ZEB2: variants seen among roughly 807,000 people sequenced by gnomAD.
ZEB2 encodes the protein zinc finger E-box-binding homeobox 2.
ZEB2 carries 6 observed loss-of-function variants against 99.9 expected under a neutral mutation model. That is an observed-to-expected ratio of 0.06 (90% CI 0.03 to 0.12). The LOEUF is 0.12. Ranked by LOEUF, ZEB2 falls within the 10% of genes least tolerant of loss-of-function variation. The pLI is 1.00. For synonymous variants in ZEB2, 517 were observed against 542.5 expected, an observed-to-expected ratio of 0.95 and a Z score of 0.65; for missense variants, 969 against 1,502.8, an observed-to-expected ratio of 0.64 and a Z score of 5.87.
At chr2:144,497,365 A>T (rs1704776722) in intron 2 of ZEB2, among the ~76,000 whole-genome samples, 1 of 152,136 alleles carries the variant, frequency 6.6e-6, no homozygotes, top group Admixed American at 6.5e-5. Flanking sequence ...TTTTTGATCC[A>T]CAGACCTCAG....
Position 144,386,162 on chromosome 2 carries a change from G to C in ZEB2, c.*3289C>G, listed in dbSNP as rs1235254877. 3 of 152,228 alleles carry C rather than the reference G, an allele frequency of 2.0e-5. No homozygotes were observed. The highest frequency in any genetic ancestry group is 7.2e-5 in the African/African-American group (3 of 41,498). The allele number at this position is 152,228 out of a possible 1,614,324, so 9.4% of individuals were successfully genotyped here. ...TCCTCCCCTGCCCCCTATTCGAGGGGGGAAAGGTTAGATTTAGAACTAAGC... is the reference window on the plus strand; with the variant it reads ...TCCTCCCCTGCCCCCTATTCGAGGGCGGAAAGGTTAGATTTAGAACTAAGC... On this transcript the variant is annotated 3_prime_UTR_variant, in exon 10 of 10. Coordinates refer to ENST00000627532, the MANE Select transcript of ZEB2 (RefSeq NM_014795.4).
chr2:144,440,513 ATATTTTTTTT>A (rs1409972343), intron 2 of ZEB2, among the ~76,000 whole-genome samples: 38 of 24,066 alleles, frequency 1.6e-3, no homozygotes, highest in South Asian at 1.9e-3. Flanking sequence ...ATATATATAT[ATATTTTTTTT>A]TTTTTTTTTT....
intron 2 of ZEB2, 149 bp downstream of exon 2, chr2:144,517,129 T>C (rs1705165170): frequency 2.5e-6 from 2 of 792,284 alleles, no homozygotes; most frequent in Admixed American, 4.6e-5. Flanking sequence ...CGCGCCGGGC[T>C]CCGGCGCCGG....
intron 4 of ZEB2, among the ~76,000 whole-genome samples, chr2:144,419,106 T>C (rs77077048): frequency 6.6e-6 from 1 of 152,264 alleles, no homozygotes; most frequent in East Asian, 1.9e-4. Flanking sequence ...TGAAGGCTTA[T>C]CAATTACACA....
At chr2:144,488,254 C>T (rs1025551004) in intron 2 of ZEB2, among the ~76,000 whole-genome samples, 1 of 152,160 alleles carries the variant, frequency 6.6e-6, no homozygotes, top group Non-Finnish European at 1.5e-5. Flanking sequence ...CTCAATAAGA[C>T]CCTAGGCACC....
In ZEB2 at chr2:144,385,513, G is replaced by T. The variant is rs1231420828; in HGVS notation, c.*3938C>A. 6.6e-6 allele frequency: 1 copy of T among 151,920 alleles called. No individual in the cohort carries two copies. The highest frequency in any genetic ancestry group is 2.4e-5 in the African/African-American group (1 of 41,356). 9.4% of individuals were successfully genotyped at this position (151,920 alleles called of 1,614,324 possible). A position where few individuals can be genotyped will look rare whatever the true frequency, so the allele number is the denominator to read the frequency against. ...ATTGAGCATGTTTATTTGAATAATT[G>T]CCCCATTGCACAATAAATAAATCCG... On this transcript the variant is annotated 3_prime_UTR_variant, in exon 10 of 10. Coordinates refer to ENST00000627532, the MANE Select transcript of ZEB2 (RefSeq NM_014795.4).
chr2:144,437,355 T>C (rs1703852182), intron 2 of ZEB2, among the ~76,000 whole-genome samples: 2 of 152,186 alleles, frequency 1.3e-5, no homozygotes, highest in South Asian at 4.1e-4. Context: ...GTACATCTAC[T>C]GCCAATAATT....
intron 4 of ZEB2, among the ~76,000 whole-genome samples, chr2:144,408,597 AG>A: frequency 6.6e-6 from 1 of 152,220 alleles, no homozygotes; most frequent in Non-Finnish European, 1.5e-5. Flanking sequence ...CCCAGAAACT[AG>A]GTATCACCAG....
chr2:144,424,426 C>A (rs376888902), intron 4 of ZEB2: 1 of 526,346 alleles, frequency 1.9e-6, no homozygotes, highest in South Asian at 1.4e-5. Context: ...GAATTCTCAA[C>A]GACTGATATC....
In ZEB2 at chr2:144,403,981, A is replaced by G; in HGVS notation, c.742T>C (p.Tyr248His). ...AGCTGGGTGCGGTAGGCAAACGTGT[A>G]GCTACAGAGAGGGCAGGAAAAGTTC... ...EENFSCPLCS[Y>H]TFAYRTQLER... Residue 248 changes from tyrosine to histidine, a missense_variant, in exon 6 of 10, where the codon TAC (tyrosine) becomes CAC (histidine). Tyr to His is a moderately conservative substitution (Grantham distance 83, BLOSUM62 2). Transcript: ENST00000627532. The G allele has an allele frequency of 6.2e-7, 1 of 1,614,140 alleles. No homozygotes were observed. Among genetic ancestry groups the G allele is most frequent in the East Asian group, 2.2e-5 (1 of 44,878 alleles).
At chr2:144,447,265 A>G (rs1364029449) in intron 2 of ZEB2, among the ~76,000 whole-genome samples, 2 of 152,154 alleles carry the variant, frequency 1.3e-5, no homozygotes, top group Non-Finnish European at 2.9e-5. Context: ...CCTCTGCTTT[A>G]TGCAGTGGTA....
Position 144,400,273 on chromosome 2 carries a change from A to G in ZEB2, c.917-3T>C, listed in dbSNP as rs772266839. The G allele has an allele frequency of 4.4e-6, 7 of 1,607,262 alleles. No individual in the cohort carries two copies. The highest frequency in any genetic ancestry group is 5.1e-6 in the Non-Finnish European group (6 of 1,179,834). Reference sequence around the variant, plus strand: ...TGGGCACTCGTAAGGTTTTTCACCTAAAATGATAATTAAAATTACCGTTAC... The same window carrying G: ...TGGGCACTCGTAAGGTTTTTCACCTGAAATGATAATTAAAATTACCGTTAC... On this transcript the variant is annotated splice_polypyrimidine_tract_variant and splice_region_variant and intron_variant, in intron 7 of 9. Coordinates refer to ENST00000627532, the MANE Select transcript of ZEB2 (RefSeq NM_014795.4).
chr2:144,503,648 A>T (rs1342877424), intron 2 of ZEB2: 2 of 152,142 alleles, frequency 1.3e-5, no homozygotes, highest in Non-Finnish European at 2.9e-5. Context: ...AGGAGAAAAA[A>T]TGTTCTCAGG....
intron 2 of ZEB2, among the ~76,000 whole-genome samples, chr2:144,501,351 GA>G (rs1394104165): frequency 6.6e-6 from 1 of 151,992 alleles, no homozygotes; most frequent in Non-Finnish European, 1.5e-5. Context: ...TGCCAGCCTG[GA>G]AAAAAGGGGA....
chr2:144,509,215 G>T (rs1209231916), intron 2 of ZEB2, among the ~76,000 whole-genome samples: 1 of 152,148 alleles, frequency 6.6e-6, no homozygotes, highest in Non-Finnish European at 1.5e-5. Flanking sequence ...TTGCTGGGTA[G>T]GTTAATATCA....
intron 2 of ZEB2, among the ~76,000 whole-genome samples, chr2:144,467,045 A>T (rs1458829402): frequency 6.6e-6 from 1 of 152,154 alleles, no homozygotes; most frequent in Non-Finnish European, 1.5e-5. Context: ...GACTGACATA[A>T]GGAATGGTTT....
chr2:144,417,148 G>A (rs1487516313), intron 4 of ZEB2, among the ~76,000 whole-genome samples: 1 of 152,084 alleles, frequency 6.6e-6, no homozygotes, highest in African/African-American at 2.4e-5. Flanking sequence ...ACTTAGTAGG[G>A]TCCCAATAAG....
At chr2:144,439,150 A>C (rs1015147364) in intron 2 of ZEB2, among the ~76,000 whole-genome samples, 1 of 151,918 alleles carries the variant, frequency 6.6e-6, no homozygotes, top group African/African-American at 2.4e-5. Flanking sequence ...AAAAAAAAAA[A>C]AAAACTTAAG....
chr2:144,518,455 G>A (rs1449983475), intron 1 of ZEB2: 2 of 152,168 alleles, frequency 1.3e-5, no homozygotes, highest in African/African-American at 4.8e-5. Context: ...GGCTATAAAA[G>A]ATGTAACAGA....
Sources: gnomAD v4.1 joint callset for allele counts (sites outside exome capture counted in the v4.1 genomes callset) on GRCh38, gnomAD v4.1.1 for gene constraint, MANE v1.5 for transcripts, NCBI Gene and HGNC (gene_info 2026-07-23, HGNC 2026-07-21) for gene names.